Variants in NRF1 observed in about 807,000 individuals in gnomAD.
NRF1 encodes the protein nuclear respiratory factor 1, also known as alpha palindromic-binding protein.
In NRF1, 5 loss-of-function variants were observed where a neutral mutation model predicts 58.5. The observed-to-expected ratio is 0.09, with a 90% CI of 0.04 to 0.18. NRF1 has a LOEUF of 0.18. Among genes scored for constraint, NRF1 ranks in the 10% least tolerant of loss-of-function variants. NRF1 has a pLI of 1.00. For missense variants in NRF1, 288 were observed against 657.7 expected (o/e 0.44, Z 6.15); for synonymous variants, 224 against 246.7 (o/e 0.91, Z 0.86).
chr7:129,677,234 G>A (rs550187130), intron 3 of NRF1, among the ~76,000 whole-genome samples: 9 of 151,962 alleles, frequency 5.9e-5, no homozygotes, highest in Non-Finnish European at 1.2e-4. Flanking sequence ...GGCTGGTCTC[G>A]AACTCGTGGC....
intron 4 of NRF1, among the ~76,000 whole-genome samples, chr7:129,682,040 C>G (rs932716082): frequency 6.6e-6 from 1 of 151,634 alleles, no homozygotes; most frequent in Non-Finnish European, 1.5e-5. Flanking sequence ...CATAATGATG[C>G]CACTGCACTC....
chr7:129,669,505 A>C (rs1801998223), intron 2 of NRF1, among the ~76,000 whole-genome samples: 1 of 152,190 alleles, frequency 6.6e-6, no homozygotes, highest in African/African-American at 2.4e-5. Flanking sequence ...TAAGATGTTA[A>C]AATTCAACTT....
chr7:129,721,642 C>A (rs887625833), intron 9 of NRF1, among the ~76,000 whole-genome samples: 2 of 151,918 alleles, frequency 1.3e-5, no homozygotes, highest in African/African-American at 2.4e-5. Context: ...CCACCACGCC[C>A]AGCTAATTTT....
At chr7:129,716,510 T>A (rs1803193015) in intron 8 of NRF1, among the ~76,000 whole-genome samples, 1 of 152,154 alleles carries the variant, frequency 6.6e-6, no homozygotes, top group South Asian at 2.1e-4. Flanking sequence ...TTGTATATAT[T>A]TATCTGGCAC....
intron 10 of NRF1, 101 bp downstream of exon 10, chr7:129,727,466 A>AT (rs1236204066): frequency 2.3e-3 from 2,909 of 1,239,532 alleles, no homozygotes; most frequent in East Asian, 2.7e-3. Flanking sequence ...TTGAGCTTCG[A>AT]TTTTTTTTTC....
chr7:129,626,119 T>C (rs1800913927), intron 1 of NRF1, among the ~76,000 whole-genome samples: 4 of 152,234 alleles, frequency 2.6e-5, no homozygotes, highest in African/African-American at 9.6e-5. Flanking sequence ...CATCCCTGGC[T>C]GAATTGCCTT....
At chr7:129,613,789 C>G (rs1354649808) in intron 1 of NRF1, among the ~76,000 whole-genome samples, 2 of 28,724 alleles carry the variant, frequency 7.0e-5, no homozygotes, top group Non-Finnish European at 1.3e-4. Context: ...ATCCCAGCTG[C>G]TGGGAGGGGC....
At chr7:129,665,280 G>A (rs1801893950) in intron 2 of NRF1, among the ~76,000 whole-genome samples, 1 of 152,218 alleles carries the variant, frequency 6.6e-6, no homozygotes, top group Non-Finnish European at 1.5e-5. Flanking sequence ...AGAGGCAGCA[G>A]AGCACAGGGC....
intron 4 of NRF1, among the ~76,000 whole-genome samples, chr7:129,689,191 C>T (rs892775444): frequency 1.3e-5 from 2 of 152,164 alleles, no homozygotes; most frequent in African/African-American, 4.8e-5. Flanking sequence ...GATTCTTCAA[C>T]TGCAGAAGTT....
At chr7:129,753,817 A>C (rs1804180650) in intron 10 of NRF1, among the ~76,000 whole-genome samples, 1 of 152,140 alleles carries the variant, frequency 6.6e-6, no homozygotes, top group Non-Finnish European at 1.5e-5. Flanking sequence ...TAGGCTTTAA[A>C]AATAAATAAA....
intron 10 of NRF1, chr7:129,744,307 C>T: frequency 1.6e-6 from 2 of 1,286,214 alleles, no homozygotes; most frequent in Non-Finnish European, 2.2e-6. Context: ...GGCGCTGCTT[C>T]CTGCTTGGAT....
intron 1 of NRF1, among the ~76,000 whole-genome samples, chr7:129,616,682 C>CA (rs1800666702): frequency 6.6e-6 from 1 of 152,190 alleles, no homozygotes; most frequent in Non-Finnish European, 1.5e-5. Flanking sequence ...TAAGAGCAGT[C>CA]ACTTAGAAGA....
chr7:129,752,396 AC>A (rs1448441445), intron 10 of NRF1, among the ~76,000 whole-genome samples: 1 of 152,180 alleles, frequency 6.6e-6, no homozygotes, highest in Non-Finnish European at 1.5e-5. Flanking sequence ...AGGACAGGGC[AC>A]CTGTGAGAGA....
intron 10 of NRF1, 36 bp downstream of exon 10, chr7:129,727,401 C>T (rs192627508): frequency 1.6e-4 from 256 of 1,560,492 alleles, no homozygotes; most frequent in Admixed American, 1.1e-3. Context: ...AATTTCTTCC[C>T]TGTTTCCACT....
In NRF1 at chr7:129,741,365, C is replaced by T. The variant is rs954348499; in HGVS notation, c.1349-13653C>T. On this transcript the variant is annotated intron_variant, in intron 10 of 10. Transcript: ENST00000393232. This position sits in a 1 kb window ranked among gnomAD's most constrained non-coding sequence, Gnocchi z 4.0. ...GTCTCATTCTCCTTCCCTTTAGGTC[C>T]GCAGATCTTTCGGAGTCTTTGTATG... Among the ~76,000 whole-genome samples the T allele has an allele frequency of 3.3e-5, 5 of 152,256 alleles. No homozygotes were observed. Among genetic ancestry groups the T allele is most frequent in the South Asian group, 4.2e-4 (2 of 4,816 alleles).
chr7:129,684,727 G>A (rs1309367146), intron 4 of NRF1, among the ~76,000 whole-genome samples: 5 of 152,186 alleles, frequency 3.3e-5, no homozygotes, highest in Non-Finnish European at 7.4e-5. Context: ...GGAGTTGCAT[G>A]CAATGTGGAA....
intron 5 of NRF1, among the ~76,000 whole-genome samples, chr7:129,705,331 C>A (rs1802923047): frequency 6.6e-6 from 1 of 152,012 alleles, no homozygotes; most frequent in South Asian, 2.1e-4. Flanking sequence ...TGCTCTGTTG[C>A]CCAGGCTGGA....
intron 5 of NRF1, among the ~76,000 whole-genome samples, chr7:129,693,728 G>T (rs1232319738): frequency 6.6e-6 from 1 of 151,906 alleles, no homozygotes. Context: ...ACTGGTTCAA[G>T]TAAAGAAAAC....
At chr7:129,707,677 T>C (rs1286007091) in intron 5 of NRF1, among the ~76,000 whole-genome samples, 1 of 152,204 alleles carries the variant, frequency 6.6e-6, no homozygotes, top group African/African-American at 2.4e-5. Context: ...ATCAGCCTGC[T>C]GCTTGATGCC....
Sources: allele counts gnomAD v4.1 joint callset (sites outside exome capture counted in the v4.1 genomes callset), GRCh38; gene constraint gnomAD v4.1.1; non-coding constraint Gnocchi (gnomAD v3.1); transcripts MANE v1.5; gene names NCBI Gene and HGNC (gene_info 2026-07-23, HGNC 2026-07-21).